DHRSX: variants seen among roughly 807,000 people sequenced by gnomAD.
DHRSX encodes polyprenol dehydrogenase.
A neutral mutation model predicts 34.0 loss-of-function variants in DHRSX; 31 were observed. The ratio of observed to expected loss-of-function variants is 0.91; its 90% CI spans 0.69 to 1.23. The LOEUF (loss-of-function observed/expected upper bound fraction) is 1.23, where lower values mean the gene tolerates loss of function less well. DHRSX is among the 50% of genes most tolerant of loss of function. DHRSX has a pLI of 0.00. For missense variants in DHRSX, 414 were observed against 428.1 expected, an observed-to-expected ratio of 0.97 and a Z score of 0.29; for synonymous variants, 201 against 183.8, an observed-to-expected ratio of 1.09 and a Z score of -0.76.
intron 3 of DHRSX, among the ~76,000 whole-genome samples, chrX:2,357,906 G>C (rs1328777876): frequency 6.6e-6 from 1 of 152,050 alleles, no homozygotes; most frequent in Non-Finnish European, 1.5e-5. Context: ...CATCACTGGG[G>C]TGTGGCTACC....
At position 2,259,403 on chromosome X, in the gene DHRSX, T is replaced by G. The variant is rs1338818680; in HGVS notation, c.596+7337A>C. On this transcript the variant is annotated intron_variant, in intron 5 of 6. Transcript: ENST00000334651. ...ATATATATAGATATATAGATATATA[T>G]ATAGATATAGATATATACAATAAAT... is the stretch of plus-strand genomic sequence containing the variant. Among the ~76,000 whole-genome samples, 32 of 144,034 alleles carry G rather than the reference T, an allele frequency of 2.2e-4. No homozygotes were observed. The South Asian group carries it at 3.9e-3, about 18-fold the overall frequency. The allele number at this position is 144,034 out of a possible 152,430, so 94.5% of individuals were successfully genotyped here.
chrX:2,302,807 T>TA (rs1169696314), intron 3 of DHRSX, among the ~76,000 whole-genome samples: 10 of 151,964 alleles, frequency 6.6e-5, no homozygotes, highest in Admixed American at 1.3e-4. Flanking sequence ...TCCAATGACT[T>TA]AAAAAAAACA....
intron 3 of DHRSX, among the ~76,000 whole-genome samples, chrX:2,337,470 A>C (rs759395432): frequency 6.6e-6 from 1 of 152,232 alleles, no homozygotes; most frequent in East Asian, 1.9e-4. Flanking sequence ...GCTTAAAACA[A>C]GTTTTTTTGT....
intron 1 of DHRSX, among the ~76,000 whole-genome samples, chrX:2,471,711 G>A (rs1017632308): frequency 8.5e-5 from 13 of 152,100 alleles, no homozygotes; most frequent in African/African-American, 1.2e-4. Flanking sequence ...ACAGTTTCCC[G>A]GAAAGGTGAA....
At chrX:2,250,986 G>A (rs1319398160) in intron 5 of DHRSX, among the ~76,000 whole-genome samples, 3 of 152,156 alleles carry the variant, frequency 2.0e-5, no homozygotes, top group African/African-American at 7.2e-5. Flanking sequence ...GCAGCCTGCA[G>A]CTGACATGTT....
Position 2,485,898 on chromosome X carries a change from G to A in DHRSX, c.109+14919C>T, listed in dbSNP as rs770982365. Reference sequence around the variant, plus strand: ...AAGGAAGGGAGAGAAGAAGAGACAAGGATGGGAGGGAAGGAAGGAAGGAAA... The same window carrying A: ...AAGGAAGGGAGAGAAGAAGAGACAAAGATGGGAGGGAAGGAAGGAAGGAAA... On this transcript the variant is annotated intron_variant, in intron 1 of 6. Coordinates refer to ENST00000334651, the MANE Select transcript of DHRSX (RefSeq NM_145177.3). Among the ~76,000 whole-genome samples the A allele has an allele frequency of 2.7e-5, 4 of 148,448 alleles. No individual in the cohort carries two copies. The South Asian group carries it at 8.6e-4, about 32-fold the overall frequency.
chrX:2,235,158 TAACA>T (rs1955302362), intron 6 of DHRSX, among the ~76,000 whole-genome samples: 1 of 152,200 alleles, frequency 6.6e-6, no homozygotes, highest in Non-Finnish European at 1.5e-5. Flanking sequence ...GCCGTTCTCC[TAACA>T]AACAACTCAG....
intron 3 of DHRSX, among the ~76,000 whole-genome samples, chrX:2,301,542 G>A (rs1448705355): frequency 6.6e-6 from 1 of 152,242 alleles, no homozygotes; most frequent in Non-Finnish European, 1.5e-5. Flanking sequence ...GCAGAGATGA[G>A]AGGGATGGGC....
intron 3 of DHRSX, among the ~76,000 whole-genome samples, chrX:2,344,685 T>C (rs914883973): frequency 6.6e-6 from 1 of 151,128 alleles, no homozygotes; most frequent in African/African-American, 2.4e-5. Context: ...GGACACAGGG[T>C]GGGGAACATC....
intron 1 of DHRSX, among the ~76,000 whole-genome samples, chrX:2,451,616 G>A (rs1159705842): frequency 2.0e-5 from 3 of 152,202 alleles, no homozygotes; most frequent in Non-Finnish European, 2.9e-5. Context: ...TGTCTGAGAC[G>A]GCCACGTGCA....
At chrX:2,499,624 T>C (rs1037265195) in intron 1 of DHRSX, among the ~76,000 whole-genome samples, 3 of 151,326 alleles carry the variant, frequency 2.0e-5, no homozygotes, top group African/African-American at 4.9e-5. Flanking sequence ...TTTAAAACAT[T>C]AGCCAGGCGT....
chrX:2,456,952 A>G (rs758592692), intron 1 of DHRSX, among the ~76,000 whole-genome samples: 7 of 149,512 alleles, frequency 4.7e-5, no homozygotes, highest in South Asian at 4.3e-4. Context: ...ACCGTGCAGG[A>G]GAAGGAATGA....
intron 2 of DHRSX, among the ~76,000 whole-genome samples, chrX:2,413,821 C>T (rs1233891130): frequency 6.6e-6 from 1 of 152,044 alleles, no homozygotes; most frequent in Non-Finnish European, 1.5e-5. Context: ...CTCATCATAA[C>T]TTAACCCAAA....
chrX:2,431,160 C>A (rs774205650), intron 1 of DHRSX, among the ~76,000 whole-genome samples: 1 of 152,074 alleles, frequency 6.6e-6, no homozygotes, highest in East Asian at 1.9e-4. Context: ...CCGGTCTCTA[C>A]TAAAAATACA....
chrX:2,343,329 T>C (rs1251140785), intron 3 of DHRSX, among the ~76,000 whole-genome samples: 1 of 152,218 alleles, frequency 6.6e-6, no homozygotes, highest in East Asian at 1.9e-4. Flanking sequence ...TTCATGCTTC[T>C]TTCCTCTTTA....
chrX:2,463,833 GGACACA>G (rs1480553253), intron 1 of DHRSX, among the ~76,000 whole-genome samples: 11 of 152,148 alleles, frequency 7.2e-5, no homozygotes, highest in African/African-American at 1.7e-4. Flanking sequence ...AGGGTGAAAA[GGACACA>G]GACACAGACA....
chrX:2,403,870 A>G lies in DHRSX; in HGVS notation c.286+4875T>C, dbSNP rs191957632. On this transcript the variant is annotated intron_variant, in intron 3 of 6. Coordinates refer to ENST00000334651, the MANE Select transcript of DHRSX (RefSeq NM_145177.3). ...AAACTCTGTCTCAAAAAAAAAAAAA[A>G]AAAATTATTGGTCAAAATTCATGTT... Among the ~76,000 whole-genome samples the G allele has an allele frequency of 5.9e-3, 901 of 152,144 alleles. 12 individuals carry two copies. The highest frequency in any genetic ancestry group is 0.02 in the African/African-American group (840 of 41,500).
intron 3 of DHRSX, among the ~76,000 whole-genome samples, chrX:2,339,381 C>A (rs774841591): frequency 1.3e-5 from 2 of 151,956 alleles, no homozygotes; most frequent in South Asian, 4.2e-4. Context: ...TAAGGTAATC[C>A]GCTCGCCTCA....
intron 5 of DHRSX, among the ~76,000 whole-genome samples, chrX:2,257,805 T>A (rs1209152655): frequency 6.6e-6 from 1 of 152,008 alleles, no homozygotes; most frequent in East Asian, 1.9e-4. Flanking sequence ...TTGTATTTTT[T>A]AAGTAGAGAC....
Sources: gnomAD v4.1 joint callset for allele counts (sites outside exome capture counted in the v4.1 genomes callset) on GRCh38, gnomAD v4.1.1 for gene constraint, MANE v1.5 for transcripts, NCBI Gene and HGNC (gene_info 2026-07-23, HGNC 2026-07-21) for gene names.